FAM72B: variants seen among roughly 807,000 people sequenced by gnomAD.
FAM72B encodes the protein protein FAM72B.
Under a neutral mutation model 12.6 loss-of-function variants are expected in FAM72B, and 4 were observed. The observed-to-expected ratio is 0.32, with a 90% CI of 0.16 to 0.73. FAM72B has a LOEUF of 0.73. Among genes scored for constraint, FAM72B ranks in the 30% least tolerant of loss-of-function variants. FAM72B has a pLI of 0.67. For synonymous variants in FAM72B, 13 were observed against 53.9 expected (o/e 0.24, Z 3.32); for missense variants, 61 against 158.4 (o/e 0.39, Z 3.30).
At chr1:121,172,574 G>A (rs1654115749) in intron 3 of FAM72B, among the ~76,000 whole-genome samples, 1 of 145,662 alleles carries the variant, frequency 6.9e-6, no homozygotes, top group Admixed American at 6.7e-5. Context: ...ACCAGCCTGG[G>A]CAACATGGCA....
rs587675758 is a variant in FAM72B, at chr1:121,177,068, T to TG, written c.355+139dup. 1.1e-3 allele frequency: 1,096 copies of TG among 1,014,430 alleles called. 13 individuals are homozygous for TG. The African/African-American group carries it at 0.016, about 14-fold the overall frequency. 62.8% of individuals were successfully genotyped at this position (1,014,430 alleles called of 1,614,324 possible). ...CTAATAGTTTTCATAAGTGAATGTC[T>TG]GGGAAAAAAGAATTGAAGTTTCACT... is the stretch of plus-strand genomic sequence containing the variant. On this transcript the variant is annotated intron_variant, in intron 3 of 3. Coordinates refer to ENST00000369390, the MANE Select transcript of FAM72B (RefSeq NM_001100910.2).
intron 3 of FAM72B, among the ~76,000 whole-genome samples, chr1:121,175,008 A>T (rs1339597865): frequency 6.6e-6 from 1 of 151,928 alleles, no homozygotes; most frequent in African/African-American, 2.4e-5. Flanking sequence ...TAGGACTTTC[A>T]TAGCTAGAGA....
chr1:121,174,701 A>C (rs1654175971), intron 3 of FAM72B, among the ~76,000 whole-genome samples: 3 of 135,338 alleles, frequency 2.2e-5, no homozygotes, highest in Non-Finnish European at 3.1e-5. Context: ...ATGGAGTTTC[A>C]CTCTTGGTGC....
intron 3 of FAM72B, among the ~76,000 whole-genome samples, chr1:121,174,568 T>C (rs1654169504): frequency 6.6e-6 from 1 of 150,630 alleles, no homozygotes; most frequent in Non-Finnish European, 1.5e-5. Flanking sequence ...GGTTTCTCCA[T>C]GTTGGTCAGG....
In FAM72B at chr1:121,169,935, C is replaced by T. The variant is rs587732255; in HGVS notation, c.356-1100G>A. On this transcript the variant is annotated intron_variant, in intron 3 of 3. Transcript: ENST00000369390. ...ACACTAAATGGAAAATAACTGACCTCTAGGATAGCCAATTAACTTCACAAG... is the reference window on the plus strand; with the variant it reads ...ACACTAAATGGAAAATAACTGACCTTTAGGATAGCCAATTAACTTCACAAG... Among the ~76,000 whole-genome samples the T allele has an allele frequency of 2.0e-5, 3 of 152,100 alleles. No individual in the cohort carries two copies. In the East Asian group the frequency reaches 5.8e-4, roughly 29 times the overall value.
At position 121,183,590 on chromosome 1, in the gene FAM72B, C is replaced by A; in HGVS notation, c.-101G>T. Reference sequence around the variant, plus strand: ...TAGGCTAAAATTCAAGTTGCGGGACCTAGAGCTTTTCTAAGTCCTAATATT... The same window carrying A: ...TAGGCTAAAATTCAAGTTGCGGGACATAGAGCTTTTCTAAGTCCTAATATT... On this transcript the variant is annotated 5_prime_UTR_variant, in exon 1 of 4. In the 5' UTR this introduces an upstream ATG that the reference lacks. Coordinates refer to ENST00000369390, the MANE Select transcript of FAM72B (RefSeq NM_001100910.2). The A allele has an allele frequency of 3.1e-6, 5 of 1,607,488 alleles. No homozygotes were observed. The highest frequency in any genetic ancestry group is 3.4e-6 in the Non-Finnish European group (4 of 1,177,856).
At chr1:121,174,336 G>C (rs1654161388) in intron 3 of FAM72B, among the ~76,000 whole-genome samples, 1 of 151,436 alleles carries the variant, frequency 6.6e-6, no homozygotes, top group South Asian at 2.1e-4. Flanking sequence ...GATGAAGGTG[G>C]CTACACTAAA....
At position 121,183,583 on chromosome 1, in the gene FAM72B, G is replaced by A. The variant is rs1252999832; in HGVS notation, c.-94C>T. ...ATTCCCCTAGGCTAAAATTCAAGTT[G>A]CGGGACCTAGAGCTTTTCTAAGTCC... On this transcript the variant is annotated 5_prime_UTR_variant, in exon 1 of 4. Transcript: ENST00000369390. The A allele has an allele frequency of 6.2e-7, 1 of 1,610,120 alleles. No homozygotes were observed. Among genetic ancestry groups the A allele is most frequent in the East Asian group, 2.2e-5 (1 of 44,832 alleles).
chr1:121,180,818 C>G (rs1359409452), intron 2 of FAM72B, among the ~76,000 whole-genome samples: 2 of 151,722 alleles, frequency 1.3e-5, no homozygotes, highest in Non-Finnish European at 2.9e-5. Context: ...ATGATCATGC[C>G]ACTGCACTCC....
chr1:121,174,558 G>A (rs1421820438), intron 3 of FAM72B, among the ~76,000 whole-genome samples: 3 of 149,536 alleles, frequency 2.0e-5, no homozygotes, highest in African/African-American at 7.4e-5. Context: ...GTAGAGACGG[G>A]GTTTCTCCAT....
intron 3 of FAM72B, among the ~76,000 whole-genome samples, chr1:121,174,799 C>A (rs1654177611): frequency 7.1e-6 from 1 of 141,266 alleles, no homozygotes; most frequent in East Asian, 2.2e-4. Context: ...TGGGCATGTA[C>A]CACCATGCCC....
At chr1:121,180,305 G>T (rs1401679049) in intron 2 of FAM72B, among the ~76,000 whole-genome samples, 1 of 90,020 alleles carries the variant, frequency 1.1e-5, no homozygotes, top group African/African-American at 5.8e-5. Context: ...ACTTTGGCAG[G>T]CCGAGGCAGG....
At chr1:121,173,064 T>G (rs1654131542) in intron 3 of FAM72B, among the ~76,000 whole-genome samples, 1 of 132,056 alleles carries the variant, frequency 7.6e-6, no homozygotes, top group African/African-American at 2.9e-5. Flanking sequence ...GAAACAAGAG[T>G]GAAACTCTGT....
At chr1:121,172,783 G>A (rs1570679480) in intron 3 of FAM72B, among the ~76,000 whole-genome samples, 1 of 107,834 alleles carries the variant, frequency 9.3e-6, no homozygotes, top group Non-Finnish European at 1.8e-5. Context: ...AAAAAAAAAA[G>A]GTACTTCAGG....
chr1:121,170,023 A>T (rs1308053457), intron 3 of FAM72B, among the ~76,000 whole-genome samples: 1 of 151,908 alleles, frequency 6.6e-6, no homozygotes, highest in Non-Finnish European at 1.5e-5. Context: ...CAGGCTGGAG[A>T]CGAGTGGTGT....
chr1:121,179,476 G>T (rs1477442930), intron 2 of FAM72B, among the ~76,000 whole-genome samples: 1 of 150,914 alleles, frequency 6.6e-6, no homozygotes, highest in Non-Finnish European at 1.5e-5. Context: ...TTGAGGTCAG[G>T]AGTTTGAGAC....
rs587733371 is a variant in FAM72B at position 121,168,780 on chromosome 1, T to G, written c.411A>C (p.Glu137Asp). Residue 137 changes from glutamate (E) to aspartate (D), a missense_variant, in exon 4 of 4, where the codon GAA becomes GAC. Around this residue, in one of 2 missense-constraint regions of FAM72B, gnomAD observed 49 missense variants for 80.4 expected, o/e 0.61. Coordinates refer to ENST00000369390, the MANE Select transcript of FAM72B (RefSeq NM_001100910.2). ...NLPEIEESTD[E>D]DVLNISAEEC... ...CCTCTGCTGAGATATTTAACACATC[T>G]TCATCTGTACTCTCTTCTATCTCTG... 1.6e-5 allele frequency: 25 copies of G among 1,605,246 alleles called. No homozygotes were observed. In the East Asian group the frequency reaches 4.5e-4, roughly 29 times the overall value.
At chr1:121,174,726 G>T (rs1228393832) in intron 3 of FAM72B, among the ~76,000 whole-genome samples, 1 of 143,570 alleles carries the variant, frequency 7.0e-6, no homozygotes, top group Non-Finnish European at 1.5e-5. Context: ...GTGCGATCTC[G>T]GCTCACTTCA....
chr1:121,180,876 A>G (rs754156185), intron 2 of FAM72B, among the ~76,000 whole-genome samples: 2 of 152,208 alleles, frequency 1.3e-5, no homozygotes, highest in African/African-American at 2.4e-5. Flanking sequence ...GAAAGGAGTA[A>G]TAACCTAGAA....
Sources: allele counts gnomAD v4.1 joint callset (sites outside exome capture counted in the v4.1 genomes callset), GRCh38; gene constraint gnomAD v4.1.1; regional missense constraint gnomAD v4.1.1; transcripts MANE v1.5; gene names NCBI Gene and HGNC (gene_info 2026-07-23, HGNC 2026-07-21).